The following DAPK1 variants were observed in gnomAD, a reference collection of about 807,000 sequenced individuals.
DAPK1 encodes death associated protein kinase 1.
A neutral mutation model predicts 144.9 loss-of-function variants in DAPK1; 56 were observed. That is an observed-to-expected ratio of 0.39 (90% CI 0.31 to 0.48). The LOEUF (loss-of-function observed/expected upper bound fraction) is 0.48. Among genes scored for constraint, DAPK1 ranks in the 20% least tolerant of loss-of-function variants. The probability of loss-of-function intolerance (pLI) is 0.95; values close to 1 mark genes in which losing one functional copy is unlikely to be tolerated. For missense variants in DAPK1, 1,454 were observed against 1,875.4 expected (o/e 0.78, Z 4.15); for synonymous variants, 690 against 749.0 (o/e 0.92, Z 1.29).
intron 3 of DAPK1, among the ~76,000 whole-genome samples, chr9:87,634,818 A>G (rs998518260): frequency 6.6e-6 from 1 of 152,042 alleles, no homozygotes; most frequent in East Asian, 1.9e-4. Context: ...TGAGATGGCC[A>G]TGGTGGGAAT....
chr9:87,696,708 ACACTCACT>A (rs931801278), intron 21 of DAPK1, among the ~76,000 whole-genome samples: 12 of 152,176 alleles, frequency 7.9e-5, no homozygotes, highest in African/African-American at 2.6e-4. Flanking sequence ...GAGCAAGAAC[ACACTCACT>A]CACTCACTCA....
intron 2 of DAPK1, among the ~76,000 whole-genome samples, chr9:87,528,219 C>CT (rs35842498): frequency 1.6e-4 from 23 of 140,568 alleles, no homozygotes; most frequent in South Asian, 6.8e-4. Context: ...TTCTTTCTTT[C>CT]TTTTTTTTTT....
chr9:87,629,903 G>T (rs36210364), intron 3 of DAPK1, among the ~76,000 whole-genome samples: 14,189 of 152,064 alleles, frequency 0.093, 1,056 homozygotes, highest in African/African-American at 0.2. Context: ...ATCCACCTGC[G>T]TGCTGGGACA....
intron 2 of DAPK1, among the ~76,000 whole-genome samples, chr9:87,518,516 G>T (rs1825169454): frequency 6.6e-6 from 1 of 152,014 alleles, no homozygotes; most frequent in Non-Finnish European, 1.5e-5. Flanking sequence ...AGTCAATCCT[G>T]TCAAATCTTG....
chr9:87,556,315 CAG>C (rs1173962151), intron 2 of DAPK1, among the ~76,000 whole-genome samples: 7 of 152,212 alleles, frequency 4.6e-5, no homozygotes, highest in Non-Finnish European at 7.4e-5. Flanking sequence ...GAAACAGGTG[CAG>C]AGAGGCAAGG....
chr9:87,501,302 C>T (rs879606132), intron 2 of DAPK1, among the ~76,000 whole-genome samples: 4 of 152,182 alleles, frequency 2.6e-5, no homozygotes, highest in African/African-American at 4.8e-5. Flanking sequence ...AGGCAAATCA[C>T]GAGGTCAGGA....
At chr9:87,697,225 C>T in intron 22 of DAPK1, 21 bp downstream of exon 22, 10 of 1,118,088 alleles carry the variant, frequency 8.9e-6, no homozygotes, top group Non-Finnish European at 1.4e-5. Flanking sequence ...TCCCTGCAGG[C>T]CAGTGATGTC....
At position 87,693,662 on chromosome 9, in the gene DAPK1, T is replaced by C. The variant is rs36218123; in HGVS notation, c.2414-3345T>C. 2.0e-3 allele frequency among the ~76,000 whole-genome samples: 303 copies of C among 152,312 alleles called. 9 individuals are homozygous for C. The East Asian group carries it at 0.041, about 21-fold the overall frequency. ...TGTTTCTTGTGTCCTTACATTGATA[T>C]CTGTGCATCCGGTATAATAGTCACT... On this transcript the variant is annotated intron_variant, in intron 21 of 25. Coordinates refer to ENST00000408954, the MANE Select transcript of DAPK1 (RefSeq NM_004938.4).
intron 21 of DAPK1, among the ~76,000 whole-genome samples, chr9:87,687,169 T>TA (rs1474481030): frequency 6.6e-6 from 1 of 152,190 alleles, no homozygotes; most frequent in African/African-American, 2.4e-5. Flanking sequence ...TTTTGAAAAA[T>TA]ACAACGCATT....
chr9:87,629,932 C>G (rs958126256), intron 3 of DAPK1, among the ~76,000 whole-genome samples: 1 of 152,126 alleles, frequency 6.6e-6, no homozygotes, highest in African/African-American at 2.4e-5. Context: ...GGAGCCCTGA[C>G]GTGCCTGTGA....
intron 20 of DAPK1, among the ~76,000 whole-genome samples, chr9:87,684,741 T>C (rs1824778881): frequency 6.6e-6 from 1 of 152,064 alleles, no homozygotes; most frequent in South Asian, 2.1e-4. Flanking sequence ...GGTGACCAGG[T>C]AAAGTGGGTC....
At chr9:87,693,229 T>G (rs1655639112) in intron 21 of DAPK1, among the ~76,000 whole-genome samples, 1 of 151,904 alleles carries the variant, frequency 6.6e-6, no homozygotes. Flanking sequence ...TTGATTGCTT[T>G]ATGGTGTCCC....
chr9:87,698,516 G>A (rs1825338858), intron 22 of DAPK1, 140 bp from the exon 23 acceptor site: 3 of 667,884 alleles, frequency 4.5e-6, no homozygotes, highest in Admixed American at 2.3e-5. Context: ...CAGGCGTGGG[G>A]CCTTCATCTC....
At chr9:87,683,958 C>T (rs1489094294) in intron 20 of DAPK1, among the ~76,000 whole-genome samples, 3 of 152,214 alleles carry the variant, frequency 2.0e-5, no homozygotes, top group African/African-American at 4.8e-5. Context: ...GTGGTTGCCC[C>T]TGAAGCCTGG....
intron 18 of DAPK1, among the ~76,000 whole-genome samples, chr9:87,666,662 C>T (rs868347556): frequency 2.6e-5 from 4 of 151,784 alleles, no homozygotes; most frequent in Admixed American, 6.6e-5. Context: ...TTAGTAAAGA[C>T]GGGGTTTCAC....
intron 19 of DAPK1, among the ~76,000 whole-genome samples, chr9:87,669,771 G>A (rs369490357): frequency 2.0e-5 from 3 of 150,962 alleles, no homozygotes; most frequent in African/African-American, 2.4e-5. Flanking sequence ...GGCAGGGGGG[G>A]GCCACAGATT....
chr9:87,707,193 C>T lies in DAPK1; in HGVS notation c.4122C>T (p.Gly1374=), dbSNP rs1587860483. 5 of 1,614,160 alleles carry T rather than the reference C, an allele frequency of 3.1e-6. No homozygotes were observed. The highest frequency in any genetic ancestry group is 4.2e-6 in the Non-Finnish European group (5 of 1,180,002). The part of the protein sequence containing the change: ...EWTTYPESTV[G]TLMSKLRELG... ...CCACCTACCCTGAGAGCACAGTGGGCACCCTCATGTCCAAACTGAGGGAGC... is the reference window on the plus strand; with the variant it reads ...CCACCTACCCTGAGAGCACAGTGGGTACCCTCATGTCCAAACTGAGGGAGC... The change falls in exon 26 of 26, where the codon GGC becomes GGT. Residue 1374 remains glycine (G), a synonymous_variant. Transcript: ENST00000408954. This position sits in a 1 kb window ranked among gnomAD's most constrained non-coding sequence, Gnocchi z 4.0.
intron 21 of DAPK1, among the ~76,000 whole-genome samples, chr9:87,690,675 T>G (rs1825023119): frequency 6.6e-6 from 1 of 152,064 alleles, no homozygotes; most frequent in Admixed American, 6.5e-5. Context: ...TTTATTATGT[T>G]GAGGTATGGG....
At chr9:87,620,963 G>A (rs547847879) in intron 3 of DAPK1, among the ~76,000 whole-genome samples, 1 of 152,280 alleles carries the variant, frequency 6.6e-6, no homozygotes, top group Non-Finnish European at 1.5e-5. Context: ...AGCCATTAAA[G>A]CAACCAGAGA....
Sources: allele counts gnomAD v4.1 joint callset (sites outside exome capture counted in the v4.1 genomes callset), GRCh38; gene constraint gnomAD v4.1.1; non-coding constraint Gnocchi (gnomAD v3.1); transcripts MANE v1.5; gene names NCBI Gene and HGNC (gene_info 2026-07-23, HGNC 2026-07-21).